Variants in IFTAP observed in about 807,000 individuals in gnomAD.
IFTAP encodes intraflagellar transport-associated protein.
Under a neutral mutation model 19.4 loss-of-function variants are expected in IFTAP, and 19 were observed. The observed-to-expected ratio is 0.98, with a 90% CI of 0.68 to 1.44. The LOEUF (loss-of-function observed/expected upper bound fraction) is 1.44, where lower values mean the gene tolerates loss of function less well. Ranked by LOEUF, IFTAP falls within the 40% of genes most tolerant of loss-of-function variation. The pLI is 0.00. For missense variants in IFTAP, 240 were observed against 253.6 expected, an observed-to-expected ratio of 0.95 and a Z score of 0.36; for synonymous variants, 85 against 83.5, an observed-to-expected ratio of 1.02 and a Z score of -0.10.
In IFTAP at chr11:36,640,279, C is replaced by T. The variant is rs1853145557; in HGVS notation, c.358+4162C>T. 1.4e-5 allele frequency among the ~76,000 whole-genome samples: 2 copies of T among 147,354 alleles called. 1 individual carries two copies. The highest frequency in any genetic ancestry group is 4.2e-4 in the South Asian group (2 of 4,774). ...ATCAAGTTTGTGGCACCAAATTATA[C>T]TAGCAGTTGTGTCATCTTCACTGTC... On this transcript the variant is annotated intron_variant, in intron 4 of 5. Transcript: ENST00000334307.
At chr11:36,640,583 TA>T (rs1477093628) in intron 4 of IFTAP, among the ~76,000 whole-genome samples, 1 of 152,172 alleles carries the variant, frequency 6.6e-6, no homozygotes, top group Non-Finnish European at 1.5e-5. Flanking sequence ...TGACAAACTA[TA>T]TTTCTCAAAA....
intron 1 of IFTAP, among the ~76,000 whole-genome samples, chr11:36,603,834 A>G (rs531900786): frequency 9.9e-5 from 15 of 152,036 alleles, no homozygotes; most frequent in Admixed American, 9.8e-4. Context: ...AGGTAGGAGA[A>G]TCACTTGAAC....
At chr11:36,636,923 GT>G (rs10616172) in intron 4 of IFTAP, among the ~76,000 whole-genome samples, 3,145 of 136,340 alleles carry the variant, frequency 0.023, 52 homozygotes, top group Middle Eastern at 0.062. Flanking sequence ...AAATCAGGAA[GT>G]TTTTTTTTTT....
chr11:36,605,317 AG>A (rs1851656321), intron 1 of IFTAP, among the ~76,000 whole-genome samples: 1 of 133,038 alleles, frequency 7.5e-6, no homozygotes, highest in African/African-American at 2.9e-5. Flanking sequence ...ATATAACCCT[AG>A]TGCTGTTAAA....
intron 4 of IFTAP, among the ~76,000 whole-genome samples, chr11:36,647,436 A>G (rs992291799): frequency 3.3e-5 from 5 of 152,122 alleles, no homozygotes; most frequent in African/African-American, 1.2e-4. Flanking sequence ...TGAATTCTTG[A>G]GATTGTGCTT....
At position 36,647,777 on chromosome 11, in the gene IFTAP, A is replaced by G. The variant is rs190533367; in HGVS notation, c.359-239A>G. Among the ~76,000 whole-genome samples the G allele has an allele frequency of 4.9e-3, 739 of 152,204 alleles. 9 individuals are homozygous for G. The highest frequency in any genetic ancestry group is 0.027 in the Middle Eastern group (8 of 294). The stretch of plus-strand genomic sequence containing the variant: ...CTCCAAAAACAGTACTCCTCCAGAC[A>G]TTTTGGGGGGACTCTTACGTTTGCA... On this transcript the variant is annotated intron_variant, in intron 4 of 5. Coordinates refer to ENST00000334307, the MANE Select transcript of IFTAP (RefSeq NM_138787.4).
chr11:36,609,768 C>G (rs533399643), intron 1 of IFTAP, among the ~76,000 whole-genome samples: 2 of 152,222 alleles, frequency 1.3e-5, no homozygotes, highest in Non-Finnish European at 2.9e-5. Flanking sequence ...AAAGTTCCTC[C>G]TACCTCGAAA....
At chr11:36,657,424 T>C (rs1196367915) in intron 5 of IFTAP, among the ~76,000 whole-genome samples, 2 of 152,158 alleles carry the variant, frequency 1.3e-5, no homozygotes, top group East Asian at 3.8e-4. Context: ...CTGATTTGCT[T>C]TTTGTGTACA....
intron 5 of IFTAP, among the ~76,000 whole-genome samples, chr11:36,657,184 G>A (rs1271688994): frequency 3.3e-5 from 5 of 152,090 alleles, no homozygotes. Flanking sequence ...AGCTAGAATC[G>A]GCTCCAGATG....
intron 1 of IFTAP, among the ~76,000 whole-genome samples, chr11:36,598,802 T>C (rs779608003): frequency 1.3e-5 from 2 of 152,230 alleles, no homozygotes; most frequent in Non-Finnish European, 2.9e-5. Flanking sequence ...CTTAAGCCTC[T>C]GTTTTTCAGG....
intron 5 of IFTAP, among the ~76,000 whole-genome samples, chr11:36,658,653 T>C (rs906093839): frequency 1.3e-5 from 2 of 152,194 alleles, no homozygotes; most frequent in African/African-American, 4.8e-5. Context: ...AATCTTAGTG[T>C]ATATTTTTCT....
At chr11:36,630,243 T>A (rs758332583) in intron 2 of IFTAP, among the ~76,000 whole-genome samples, 14 of 151,360 alleles carry the variant, frequency 9.2e-5, no homozygotes, top group Non-Finnish European at 2.1e-4. Flanking sequence ...TGCCAAGATA[T>A]TTATTATTTG....
chr11:36,620,242 A>G (rs1017954807), intron 2 of IFTAP, among the ~76,000 whole-genome samples: 1 of 152,084 alleles, frequency 6.6e-6, no homozygotes, highest in Non-Finnish European at 1.5e-5. Flanking sequence ...CAAACATCAC[A>G]TAGAACACTG....
At chr11:36,598,515 T>C (rs1219416436) in intron 1 of IFTAP, among the ~76,000 whole-genome samples, 1 of 152,238 alleles carries the variant, frequency 6.6e-6, no homozygotes, top group East Asian at 1.9e-4. Context: ...AACACTATTT[T>C]GAATCAAATG....
chr11:36,643,653 T>C (rs994367266), intron 4 of IFTAP, among the ~76,000 whole-genome samples: 10 of 152,118 alleles, frequency 6.6e-5, no homozygotes, highest in African/African-American at 2.2e-4. Context: ...AACAGAGATA[T>C]AGACCAATGG....
At chr11:36,621,009 G>T (rs116791583) in intron 2 of IFTAP, among the ~76,000 whole-genome samples, 1 of 151,774 alleles carries the variant, frequency 6.6e-6, no homozygotes, top group Non-Finnish European at 1.5e-5. Context: ...ACTACTAATA[G>T]TTAAATAAAC....
chr11:36,611,305 A>AT (rs896160373), intron 2 of IFTAP, among the ~76,000 whole-genome samples: 3 of 152,028 alleles, frequency 2.0e-5, no homozygotes, highest in African/African-American at 7.2e-5. Context: ...CTAGCTACAC[A>AT]TTAGACTCAC....
rs1180214808 is a variant in IFTAP, at chr11:36,601,452, C to A, written c.-24+6860C>A. On this transcript the variant is annotated intron_variant, in intron 1 of 5. Coordinates refer to ENST00000334307, the MANE Select transcript of IFTAP (RefSeq NM_138787.4). The stretch of plus-strand genomic sequence containing the variant: ...CAATTAGTTAGATATGGCCACCTGA[C>A]CAGAATGACTGGTATCGTCCTAAAA... Among the ~76,000 whole-genome samples, 3 of 152,174 alleles carry A rather than the reference C, an allele frequency of 2.0e-5. No individual in the cohort carries two copies. In the East Asian group the frequency reaches 5.8e-4, roughly 29 times the overall value.
chr11:36,644,750 TA>T (rs1366688076), intron 4 of IFTAP, among the ~76,000 whole-genome samples: 2 of 146,580 alleles, frequency 1.4e-5, no homozygotes, highest in African/African-American at 2.5e-5. Context: ...ATCGTAAGGA[TA>T]AAAAAACCAA....
Sources: allele counts gnomAD v4.1 joint callset (sites outside exome capture counted in the v4.1 genomes callset), GRCh38; gene constraint gnomAD v4.1.1; transcripts MANE v1.5; gene names NCBI Gene and HGNC (gene_info 2026-07-23, HGNC 2026-07-21).